The following ADAMTS7 variants were observed in gnomAD, a reference collection of about 807,000 sequenced individuals.
ADAMTS7 encodes the protein A disintegrin and metalloproteinase with thrombospondin motifs 7.
Under a neutral mutation model 172.6 loss-of-function variants are expected in ADAMTS7, and 89 were observed. The ratio of observed to expected loss-of-function variants is 0.52; its 90% CI spans 0.43 to 0.61. The LOEUF is 0.61. Among genes scored for constraint, ADAMTS7 ranks in the 20% least tolerant of loss-of-function variants. The pLI is 0.00. For missense variants in ADAMTS7, 1,973 were observed against 2,355.6 expected (o/e 0.84, Z 3.36); for synonymous variants, 885 against 978.4 (o/e 0.90, Z 1.78).
At chr15:78,770,997 G>A (rs2055239067) in intron 16 of ADAMTS7, 165 bp downstream of exon 16, 2 of 967,298 alleles carry the variant, frequency 2.1e-6, no homozygotes, top group African/African-American at 1.9e-5. Context: ...GCGGGCCTGG[G>A]ACACAGGGCA....
Position 78,791,163 on chromosome 15 carries a change from G to A in ADAMTS7, c.880C>T (p.Leu294=). The change falls in exon 5 of 24, where the codon CTG becomes TTG. Residue 294 remains leucine, a synonymous_variant. Coordinates refer to ENST00000388820, the MANE Select transcript of ADAMTS7 (RefSeq NM_014272.5). Reference sequence around the variant, plus strand: ...ACCTCCTCATCTTCCAGCAGGACCAGGCGCACAATGGTGATGTGGATGGGG... The same window carrying A: ...ACCTCCTCATCTTCCAGCAGGACCAAGCGCACAATGGTGATGTGGATGGGG... ...GNPIHITIVR[L]VLLEDEEEDL... 1 of 1,613,536 alleles carries A rather than the reference G, an allele frequency of 6.2e-7. No individual in the cohort carries two copies. The highest frequency in any genetic ancestry group is 1.3e-5 in the African/African-American group (1 of 75,044).
In ADAMTS7 at chr15:78,766,765, G is replaced by A. The variant is rs747448717; in HGVS notation, c.3146C>T (p.Ala1049Val). Residue 1049 changes from alanine (A) to valine (V), a missense_variant, in exon 19 of 24, where the codon GCT becomes GTT. Ala to Val is a moderately conservative substitution (Grantham distance 64). Around this residue, in one of 8 missense-constraint regions of ADAMTS7, gnomAD observed 771 missense variants for 952.6 expected, o/e 0.81. Transcript: ENST00000388820. Reference protein sequence around the residue: ...GTMGNAIEEEAPELDLPGPVF... With the variant: ...GTMGNAIEEEVPELDLPGPVF... ...GGGCCCCGGCAGGTCCAGCTCTGGA[G>A]CCTCCTCCTCAATGGCGTTGCCCAT... 1 of 1,610,606 alleles carries A rather than the reference G, an allele frequency of 6.2e-7. No homozygotes were observed.
chr15:78,765,553 G>T, intron 19 of ADAMTS7, 92 bp downstream of exon 19: 1 of 1,570,700 alleles, frequency 6.4e-7, no homozygotes, highest in Non-Finnish European at 8.7e-7. Flanking sequence ...TAGACAGACG[G>T]CGCCTGTGTC....
chr15:78,759,761 A>G (rs560819738), intron 23 of ADAMTS7, among the ~76,000 whole-genome samples, 183 bp from the exon 24 acceptor site: 23 of 151,926 alleles, frequency 1.5e-4, no homozygotes, highest in South Asian at 2.1e-4. Flanking sequence ...TGTCCCACCT[A>G]CTCATGGCCA....
chr15:78,806,127 CAAAAA>C (rs1169680816), intron 1 of ADAMTS7, among the ~76,000 whole-genome samples: 331 of 22,936 alleles, frequency 0.014, 1 homozygote, highest in East Asian at 0.061. Flanking sequence ...CACACACACA[CAAAAA>C]AAAAAAAAAA....
At chr15:78,760,566 C>T (rs1596167856) in intron 23 of ADAMTS7, among the ~76,000 whole-genome samples, 3 of 152,138 alleles carry the variant, frequency 2.0e-5, no homozygotes, top group South Asian at 4.1e-4. Flanking sequence ...AGACAAGCTG[C>T]TTCACCTCTT....
At position 78,771,904 on chromosome 15, in the gene ADAMTS7, C is replaced by T. The variant is rs1230603739; in HGVS notation, c.2132-75G>A. 4.5e-6 allele frequency: 7 copies of T among 1,548,260 alleles called. No homozygotes were observed. In the Admixed American group the frequency reaches 1.2e-4, roughly 27 times the overall value. On this transcript the variant is annotated intron_variant, in intron 14 of 23. Transcript: ENST00000388820. The surrounding 1 kb of genome is among the most constrained non-coding windows in gnomAD (Gnocchi z 4.9). ...TTATCCCCACCCGCTCCCCTCATGT[C>T]TCTCCCCACTTGCCTCCGCCTGCTG...
intron 1 of ADAMTS7, among the ~76,000 whole-genome samples, chr15:78,802,478 T>G (rs1387382164): frequency 1.3e-5 from 2 of 152,202 alleles, no homozygotes; most frequent in Non-Finnish European, 2.9e-5. Context: ...TAACCACCAC[T>G]TCAACAGGGT....
chr15:78,806,850 T>G (rs1396207805), intron 1 of ADAMTS7, among the ~76,000 whole-genome samples: 3 of 152,192 alleles, frequency 2.0e-5, no homozygotes, highest in Non-Finnish European at 4.4e-5. Flanking sequence ...CACTGCAACC[T>G]CCGGCTGCTG....
intron 8 of ADAMTS7, among the ~76,000 whole-genome samples, chr15:78,778,363 G>A (rs1014026936): frequency 3.9e-5 from 6 of 152,220 alleles, no homozygotes; most frequent in Non-Finnish European, 5.9e-5. Flanking sequence ...TCTGGCACCC[G>A]CTTCTGCCCC....
At chr15:78,789,105 C>G (rs905044240) in intron 7 of ADAMTS7, among the ~76,000 whole-genome samples, 3 of 152,246 alleles carry the variant, frequency 2.0e-5, no homozygotes, top group Non-Finnish European at 4.4e-5. Flanking sequence ...AGCTTTGACC[C>G]ACAGAACGTT....
At chr15:78,784,436 T>C (rs1485594314) in intron 8 of ADAMTS7, among the ~76,000 whole-genome samples, 9 of 127,774 alleles carry the variant, frequency 7.0e-5, no homozygotes, top group African/African-American at 1.5e-4. Context: ...GGAGGGAGGA[T>C]AGAAAAGAAA....
chr15:78,762,821 G>T (rs7168391), intron 22 of ADAMTS7, among the ~76,000 whole-genome samples: 66,790 of 152,126 alleles, frequency 0.44, 14,998 homozygotes, highest in African/African-American at 0.53. Context: ...CCCTCGGGGC[G>T]GCAGGGCAGT....
In ADAMTS7 at chr15:78,791,174, G is replaced by A. The variant is rs781057651; in HGVS notation, c.869C>T (p.Thr290Ile). The A allele has an allele frequency of 8.1e-6, 13 of 1,613,632 alleles. No individual in the cohort carries two copies. In the Admixed American group the frequency reaches 2.2e-4, roughly 27 times the overall value. ...TTCCAGCAGGACCAGGCGCACAATG[G>A]TGATGTGGATGGGGTTCCCAATGCT... ...DPSIGNPIHITIVRLVLLEDE... is the reference protein window; with the variant it reads ...DPSIGNPIHIIIVRLVLLEDE... The change falls in exon 5 of 24, where the codon ACC becomes ATC. Residue 290 changes from threonine (T) to isoleucine (I), a missense_variant. Physicochemically the swap from Thr to Ile is moderately conservative, Grantham distance 89. Around this residue, in one of 8 missense-constraint regions of ADAMTS7, gnomAD observed 526 missense variants for 662.9 expected, o/e 0.79. Transcript: ENST00000388820.
At chr15:78,789,559 A>T in intron 7 of ADAMTS7, 130 bp downstream of exon 7, 1 of 1,292,250 alleles carries the variant, frequency 7.7e-7, no homozygotes. Context: ...GCACATGGCC[A>T]GTCAGGGCTC....
intron 4 of ADAMTS7, among the ~76,000 whole-genome samples, chr15:78,793,221 T>A (rs953896561): frequency 4.6e-5 from 7 of 152,190 alleles, no homozygotes; most frequent in African/African-American, 1.7e-4. Context: ...AGAACCCAGG[T>A]TTCGCTGCTT....
Position 78,759,690 on chromosome 15 carries a change from A to T in ADAMTS7, c.4904-112T>A, listed in dbSNP as rs1333630258. On this transcript the variant is annotated intron_variant, in intron 23 of 23. Transcript: ENST00000388820. ...TCCAGCAGCTCCCCACCAAGCAGAG[A>T]GCCCCAGTTTCTGGAGCGGCTCCCG... 15 of 1,305,742 alleles carry T rather than the reference A, an allele frequency of 1.1e-5. No homozygotes were observed. In the South Asian group the frequency reaches 2.0e-4, roughly 17 times the overall value. 80.9% of individuals were successfully genotyped at this position (1,305,742 alleles called of 1,614,324 possible). A position where few individuals can be genotyped will look rare whatever the true frequency, so the allele number is the denominator to read the frequency against.
intron 16 of ADAMTS7, among the ~76,000 whole-genome samples, chr15:78,769,153 A>G (rs2055207310): frequency 6.6e-6 from 1 of 152,018 alleles, no homozygotes; most frequent in African/African-American, 2.4e-5. Context: ...CCATCCCCAC[A>G]CCAGGCTTGG....
At position 78,764,702 on chromosome 15, in the gene ADAMTS7, A is replaced by G. The variant is rs1216160874; in HGVS notation, c.4272T>C (p.Ser1424=). 3 of 1,536,114 alleles carry G rather than the reference A, an allele frequency of 2.0e-6. No individual in the cohort carries two copies. Among genetic ancestry groups the G allele is most frequent in the Non-Finnish European group, 2.6e-6 (3 of 1,150,232 alleles). The change falls in exon 20 of 24, where the codon TCT becomes TCC. Residue 1424 remains serine, a synonymous_variant. Coordinates refer to ENST00000388820, the MANE Select transcript of ADAMTS7 (RefSeq NM_014272.5). ...AGACCGCACCCAGGCCACAGGTGGT[A>G]GAGCACTGCGGGGCAGAGACCCGTG... ...GWQAGNWSEC[S]TTCGLGAVWR...
Sources: allele counts gnomAD v4.1 joint callset (sites outside exome capture counted in the v4.1 genomes callset), GRCh38; gene constraint gnomAD v4.1.1; regional missense constraint gnomAD v4.1.1; non-coding constraint Gnocchi (gnomAD v3.1); transcripts MANE v1.5; gene names NCBI Gene and HGNC (gene_info 2026-07-23, HGNC 2026-07-21).